Variants in RIMS1 observed in about 807,000 individuals in gnomAD.
RIMS1 encodes regulating synaptic membrane exocytosis 1, also known as regulating synaptic membrane exocytosis protein 1.
RIMS1 carries 83 observed loss-of-function variants against 214.1 expected under a neutral mutation model. The ratio of observed to expected loss-of-function variants is 0.39; its 90% confidence interval spans 0.32 to 0.47. The LOEUF (loss-of-function observed/expected upper bound fraction) is 0.47. RIMS1 is among the 20% of genes least tolerant of loss of function. RIMS1 has a pLI of 0.99. For missense variants in RIMS1, 2,050 were observed against 2,161.8 expected (o/e 0.95, Z 1.03); for synonymous variants, 793 against 786.8 (o/e 1.01, Z -0.13).
chr6:72,214,471 C>T (rs577504318), intron 6 of RIMS1, among the ~76,000 whole-genome samples: 36 of 151,906 alleles, frequency 2.4e-4, no homozygotes, highest in East Asian at 5.8e-4. Context: ...GGGGAACTCA[C>T]GGTAATTATA....
At chr6:72,003,610 C>CTGTGTGTG (rs145370139) in intron 2 of RIMS1, among the ~76,000 whole-genome samples, 2 of 149,186 alleles carry the variant, frequency 1.3e-5, no homozygotes, top group African/African-American at 4.9e-5. Flanking sequence ...AGGTGTGTGT[C>CTGTGTGTG]TGTGTGTGTG....
At chr6:72,385,652 AGG>A (rs1350335671) in intron 29 of RIMS1, among the ~76,000 whole-genome samples, 2 of 152,228 alleles carry the variant, frequency 1.3e-5, no homozygotes, top group Non-Finnish European at 2.9e-5. Flanking sequence ...CCATTGGGGC[AGG>A]GATTTTGTCT....
chr6:72,351,633 G>T (rs975630852), intron 29 of RIMS1, among the ~76,000 whole-genome samples: 2 of 152,160 alleles, frequency 1.3e-5, no homozygotes, highest in African/African-American at 2.4e-5. Flanking sequence ...AAGTGGCAAA[G>T]AAATAATTAG....
intron 4 of RIMS1, among the ~76,000 whole-genome samples, chr6:72,152,301 C>T (rs955254100): frequency 1.3e-5 from 2 of 152,180 alleles, no homozygotes; most frequent in African/African-American, 4.8e-5. Flanking sequence ...TTACAACATA[C>T]CTATGGGAGA....
intron 1 of RIMS1, among the ~76,000 whole-genome samples, chr6:71,897,433 T>C (rs1772152340): frequency 6.6e-6 from 1 of 152,174 alleles, no homozygotes; most frequent in Non-Finnish European, 1.5e-5. Context: ...TTCTGTTCTT[T>C]GGTCCGTGAA....
chr6:71,944,618 A>T (rs955781776), intron 1 of RIMS1, among the ~76,000 whole-genome samples: 1 of 152,196 alleles, frequency 6.6e-6, no homozygotes, highest in Non-Finnish European at 1.5e-5. Flanking sequence ...TTGAGAAGTG[A>T]GAGAAAATAA....
chr6:72,085,456 A>G (rs1370560584), intron 2 of RIMS1, among the ~76,000 whole-genome samples: 2 of 152,202 alleles, frequency 1.3e-5, no homozygotes, highest in African/African-American at 4.8e-5. Context: ...CAGGTTAAAT[A>G]TGTGTATATA....
At chr6:71,920,891 G>C (rs1356318112) in intron 1 of RIMS1, among the ~76,000 whole-genome samples, 1 of 152,220 alleles carries the variant, frequency 6.6e-6, no homozygotes, top group Non-Finnish European at 1.5e-5. Flanking sequence ...ATAAGGTGTT[G>C]TAATATTTTT....
At chr6:71,980,861 A>T (rs1385937914) in intron 2 of RIMS1, among the ~76,000 whole-genome samples, 2 of 152,116 alleles carry the variant, frequency 1.3e-5, no homozygotes, top group East Asian at 3.9e-4. Flanking sequence ...CAAGTAAGAG[A>T]TAAGACAAAA....
At chr6:71,963,557 A>G (rs925784452) in intron 1 of RIMS1, among the ~76,000 whole-genome samples, 3 of 152,172 alleles carry the variant, frequency 2.0e-5, no homozygotes, top group African/African-American at 7.2e-5. Context: ...TAAAATATTG[A>G]TACATCAGAT....
chr6:71,937,222 A>G (rs1455029345), intron 1 of RIMS1, among the ~76,000 whole-genome samples: 2 of 152,128 alleles, frequency 1.3e-5, no homozygotes, highest in Admixed American at 6.5e-5. Flanking sequence ...ATAGAAATGT[A>G]TTTGGCTTAT....
intron 6 of RIMS1, among the ~76,000 whole-genome samples, chr6:72,201,510 A>G (rs1487564921): frequency 6.6e-6 from 1 of 152,232 alleles, no homozygotes; most frequent in Non-Finnish European, 1.5e-5. Flanking sequence ...ATTTAACAGA[A>G]TAACAGAAAT....
intron 2 of RIMS1, among the ~76,000 whole-genome samples, chr6:72,000,785 G>T (rs1177989224): frequency 6.6e-6 from 1 of 152,084 alleles, no homozygotes; most frequent in Non-Finnish European, 1.5e-5. Context: ...ATTGTTTATA[G>T]TCCTATCTTT....
At chr6:72,212,777 A>G in intron 6 of RIMS1, 1 of 1,006,514 alleles carries the variant, frequency 9.9e-7, no homozygotes, top group Non-Finnish European at 1.2e-6. Flanking sequence ...GGATCTGGTT[A>G]AAACCCAACA....
intron 8 of RIMS1, among the ~76,000 whole-genome samples, chr6:72,236,921 G>GCCTTTAATCTCA (rs2064363602): frequency 5.9e-5 from 9 of 152,258 alleles, no homozygotes; most frequent in African/African-American, 2.2e-4. Context: ...ACTACAGCCT[G>GCCTTTAATCTCA]GGTGCAGTGG....
chr6:72,328,715 A>G (rs1271352859), intron 28 of RIMS1, among the ~76,000 whole-genome samples: 3 of 151,792 alleles, frequency 2.0e-5, no homozygotes, highest in South Asian at 4.1e-4. Context: ...AAATTAACGT[A>G]GTAATCTAAG....
intron 4 of RIMS1, among the ~76,000 whole-genome samples, chr6:72,165,653 A>G (rs1313300827): frequency 6.6e-6 from 1 of 152,196 alleles, no homozygotes; most frequent in Non-Finnish European, 1.5e-5. Context: ...TGCTCCTTGC[A>G]TGCAGTAAGA....
At chr6:72,071,155 G>A (rs1830493380) in intron 2 of RIMS1, among the ~76,000 whole-genome samples, 1 of 152,152 alleles carries the variant, frequency 6.6e-6, no homozygotes, top group Non-Finnish European at 1.5e-5. Flanking sequence ...ACAGCACTTT[G>A]GGAGGTGAGG....
chr6:71,972,781 G>A (rs932688031), intron 2 of RIMS1, among the ~76,000 whole-genome samples: 7 of 152,148 alleles, frequency 4.6e-5, no homozygotes, highest in Non-Finnish European at 7.4e-5. Context: ...GGAGAAGATA[G>A]ATAATCAAAT....
Sources: gnomAD v4.1 joint callset for allele counts (sites outside exome capture counted in the v4.1 genomes callset) on GRCh38, gnomAD v4.1.1 for gene constraint, MANE v1.5 for transcripts, NCBI Gene and HGNC (gene_info 2026-07-23, HGNC 2026-07-21) for gene names.